The following ABLIM1 variants were observed in gnomAD, a reference collection of about 807,000 sequenced individuals.
ABLIM1 encodes actin binding LIM protein 1, also known as actin-binding LIM protein 1.
In ABLIM1, 40 loss-of-function variants were observed where a neutral mutation model predicts 107.0. The observed-to-expected ratio is 0.37, with a 90% confidence interval of 0.29 to 0.49. The LOEUF is 0.49. Ranked by LOEUF, ABLIM1 falls within the 20% of genes least tolerant of loss-of-function variation. The pLI, the probability that ABLIM1 is intolerant of heterozygous loss-of-function variation, is 0.97. For missense variants in ABLIM1, 857 were observed against 1,008.5 expected (o/e 0.85, Z 2.04); for synonymous variants, 357 against 357.3 (o/e 1.00, Z 0.01).
intron 6 of ABLIM1, among the ~76,000 whole-genome samples, chr10:114,517,111 ACT>A (rs1214256638): frequency 3.3e-5 from 5 of 152,054 alleles, no homozygotes; most frequent in African/African-American, 4.8e-5. Flanking sequence ...AAGAGCAAGC[ACT>A]CCGATTTTTA....
chr10:114,666,058 G>C (rs1046535102), intron 1 of ABLIM1, among the ~76,000 whole-genome samples: 1 of 152,164 alleles, frequency 6.6e-6, no homozygotes. Flanking sequence ...GGCAAATCAG[G>C]TGACCTTTTT....
At chr10:114,770,071 A>AC (rs998360026), upstream of ABLIM1, among the ~76,000 whole-genome samples, 4 of 150,506 alleles carry the variant, frequency 2.7e-5, no homozygotes, top group South Asian at 2.1e-4. Flanking sequence ...CCTACCACCC[A>AC]CCCCCCAGGT....
chr10:114,584,080 T>C (rs115522541), intron 2 of ABLIM1, among the ~76,000 whole-genome samples: 1,857 of 151,932 alleles, frequency 0.012, 36 homozygotes, highest in African/African-American at 0.042. Flanking sequence ...AATACACCCA[T>C]GTAGCAAACC....
At chr10:114,652,192 G>T (rs964164180) in intron 1 of ABLIM1, among the ~76,000 whole-genome samples, 1 of 152,146 alleles carries the variant, frequency 6.6e-6, no homozygotes, top group African/African-American at 2.4e-5. Flanking sequence ...CTATAGAAAA[G>T]CTCCACAGCA....
chr10:114,763,064 T>A (rs1487451186), intron 1 of ABLIM1, among the ~76,000 whole-genome samples: 1 of 152,356 alleles, frequency 6.6e-6, no homozygotes, highest in East Asian at 1.9e-4. Context: ...TTTTTCCTCA[T>A]GACTCAAGCT....
At chr10:114,588,423 C>A (rs1028340567) in intron 2 of ABLIM1, among the ~76,000 whole-genome samples, 22 of 151,766 alleles carry the variant, frequency 1.4e-4, no homozygotes, top group African/African-American at 5.1e-4. Context: ...GATCAGAGAA[C>A]CTTTATCTAG....
At chr10:114,667,493 C>T (rs1041163017) in intron 1 of ABLIM1, among the ~76,000 whole-genome samples, 3 of 152,142 alleles carry the variant, frequency 2.0e-5, no homozygotes, top group African/African-American at 7.2e-5. Flanking sequence ...ACAATTTTTC[C>T]CCTTGAATTA....
chr10:114,453,241 A>T lies in ABLIM1; in HGVS notation c.1546+138T>A, dbSNP rs78075259. 181 of 860,432 alleles carry T rather than the reference A, an allele frequency of 2.1e-4. 1 individual carries two copies. The East Asian group carries it at 4.7e-3, about 23-fold the overall frequency. The allele number at this position is 860,432 out of a possible 1,614,324, so 53.3% of individuals were successfully genotyped here. On this transcript the variant is annotated intron_variant, in intron 13 of 22. Transcript: ENST00000533213. Reference sequence around the variant, plus strand: ...ACATAAAACTTTTGAAAGGCCCCCTAGGTCAGATCCTGCAATTTAGGGTTT... The same window carrying T: ...ACATAAAACTTTTGAAAGGCCCCCTTGGTCAGATCCTGCAATTTAGGGTTT...
At chr10:114,542,410 T>TAAA (rs1186576100) in intron 6 of ABLIM1, among the ~76,000 whole-genome samples, 1 of 49,598 alleles carries the variant, frequency 2.0e-5, no homozygotes, top group African/African-American at 6.7e-5. Flanking sequence ...ACCTTGTCTC[T>TAAA]AAAAAAAAAA....
At chr10:114,637,420 T>A (rs1045299068) in intron 1 of ABLIM1, among the ~76,000 whole-genome samples, 1 of 152,218 alleles carries the variant, frequency 6.6e-6, no homozygotes. Context: ...AAATATCTGA[T>A]CCCTCTTGAT....
chr10:114,569,177 C>T (rs1467451644), intron 4 of ABLIM1, among the ~76,000 whole-genome samples: 1 of 152,092 alleles, frequency 6.6e-6, no homozygotes, highest in African/African-American at 2.4e-5. Context: ...ATTTCCCCAC[C>T]TATCAAAAAA....
In ABLIM1 at chr10:114,664,446, T is replaced by C. The variant is rs2079928181; in HGVS notation, c.64+19844A>G. On this transcript the variant is annotated intron_variant, in intron 1 of 23. Transcript: ENST00000369256. ...CTGTATCGTTACAGCAGTAAAAGTT[T>C]GGGGGTTTGGCTTAGAGTTTGGGGA... 6.6e-5 allele frequency among the ~76,000 whole-genome samples: 10 copies of C among 152,320 alleles called. No homozygotes were observed. The South Asian group carries it at 1.5e-3, about 22-fold the overall frequency.
the ABLIM1 span, among the ~76,000 whole-genome samples, chr10:114,787,180 G>A: frequency 4.0e-5 from 6 of 150,546 alleles, no homozygotes; most frequent in Non-Finnish European, 7.4e-5. Context: ...GTCTCTGCCC[G>A]GCCGCCCCGT....
chr10:114,565,715 G>C (rs1393244569), intron 4 of ABLIM1, among the ~76,000 whole-genome samples: 1 of 148,288 alleles, frequency 6.7e-6, no homozygotes, highest in Non-Finnish European at 1.5e-5. Flanking sequence ...GGACTAAATA[G>C]AAAAGTAAAA....
intron 5 of ABLIM1, among the ~76,000 whole-genome samples, chr10:114,546,433 G>GC (rs2067352262): frequency 6.6e-6 from 1 of 151,820 alleles, no homozygotes; most frequent in Admixed American, 6.6e-5. Flanking sequence ...AGCTGGGGTT[G>GC]CAGGTGCCCA....
At chr10:114,485,930 T>C (rs1565541055) in intron 8 of ABLIM1, among the ~76,000 whole-genome samples, 1 of 152,230 alleles carries the variant, frequency 6.6e-6, no homozygotes, top group East Asian at 1.9e-4. Context: ...CTTTAAACCC[T>C]ACCAACATCA....
chr10:114,768,379 G>T (rs1354380854), upstream of ABLIM1, among the ~76,000 whole-genome samples: 1 of 150,636 alleles, frequency 6.6e-6, no homozygotes, highest in Non-Finnish European at 1.5e-5. Flanking sequence ...CGCGGCGCCG[G>T]GCGGGGCTCT....
intron 4 of ABLIM1, among the ~76,000 whole-genome samples, chr10:114,553,036 C>T (rs895686703): frequency 2.0e-5 from 3 of 152,304 alleles, no homozygotes; most frequent in Middle Eastern, 3.4e-3. Flanking sequence ...TCCTGGGCAG[C>T]AATTAAGCTT....
At chr10:114,652,052 A>T (rs2079273084) in intron 1 of ABLIM1, among the ~76,000 whole-genome samples, 2 of 152,164 alleles carry the variant, frequency 1.3e-5, no homozygotes, top group African/African-American at 2.4e-5. Context: ...CTTTCCCAGG[A>T]TGTATTTTTT....
Sources: allele counts gnomAD v4.1 joint callset (sites outside exome capture counted in the v4.1 genomes callset), GRCh38; gene constraint gnomAD v4.1.1; transcripts MANE v1.5; gene names NCBI Gene and HGNC (gene_info 2026-07-23, HGNC 2026-07-21).